The following TMEM45A variants were observed in gnomAD, a reference collection of about 807,000 sequenced individuals.
TMEM45A encodes transmembrane protein 45A, also known as DNA polymerase-transactivated protein 4.
In TMEM45A, 25 loss-of-function variants were observed where a neutral mutation model predicts 32.0. The ratio of observed to expected loss-of-function variants is 0.78; its 90% CI spans 0.57 to 1.09. The LOEUF (loss-of-function observed/expected upper bound fraction) is 1.09. Among genes scored for constraint, TMEM45A ranks in the 50% least tolerant of loss-of-function variants. The probability of loss-of-function intolerance (pLI) is 0.00; values close to 1 mark genes in which losing one functional copy is unlikely to be tolerated. For missense variants in TMEM45A, 302 were observed against 325.0 expected, an observed-to-expected ratio of 0.93 and a Z score of 0.54; for synonymous variants, 122 against 114.8, an observed-to-expected ratio of 1.06 and a Z score of -0.40.
chr3:100,553,883 T>G (rs1576286845), intron 1 of TMEM45A, among the ~76,000 whole-genome samples: 1 of 152,112 alleles, frequency 6.6e-6, no homozygotes. Context: ...TATAAGAGAC[T>G]TTTAGTGTTT....
At chr3:100,497,303 A>G (rs1282305532) in intron 1 of TMEM45A, among the ~76,000 whole-genome samples, 2 of 152,322 alleles carry the variant, frequency 1.3e-5, no homozygotes, top group Non-Finnish European at 1.5e-5. Flanking sequence ...GGGTACTCAT[A>G]TGCATTACAT....
At chr3:100,526,583 G>GA (rs1705549774) in intron 1 of TMEM45A, among the ~76,000 whole-genome samples, 1 of 152,160 alleles carries the variant, frequency 6.6e-6, no homozygotes, top group African/African-American at 2.4e-5. Flanking sequence ...ACACCATGAG[G>GA]CTAAAAGTAA....
intron 2 of TMEM45A, 56 bp from the exon 3 acceptor site, chr3:100,556,704 C>A (rs1279995341): frequency 6.7e-7 from 1 of 1,489,544 alleles, no homozygotes; most frequent in African/African-American, 1.4e-5. Flanking sequence ...CCTCCTGCAT[C>A]TTCTTGAATT....
At chr3:100,524,757 C>T (rs536605793) in intron 1 of TMEM45A, among the ~76,000 whole-genome samples, 1 of 152,310 alleles carries the variant, frequency 6.6e-6, no homozygotes, top group South Asian at 2.1e-4. Context: ...TGATGGGTTT[C>T]TGAGGTGGTC....
chr3:100,534,370 T>C (rs1481531573), intron 1 of TMEM45A, among the ~76,000 whole-genome samples: 1 of 152,132 alleles, frequency 6.6e-6, no homozygotes. Context: ...GGCCCAGTGG[T>C]TCTCATAAGG....
In TMEM45A at chr3:100,557,291, C is replaced by T. The variant is rs758289370; in HGVS notation, c.403+319C>T. 2.7e-4 allele frequency among the ~76,000 whole-genome samples: 41 copies of T among 152,160 alleles called. 1 individual carries two copies. The highest frequency in any genetic ancestry group is 4.4e-4 in the Non-Finnish European group (30 of 68,002). The stretch of plus-strand genomic sequence containing the variant: ...ATCATTTTTTTTCACTTTTAACAAA[C>T]GAAAACTGATCCCAGAATAATAAAG... On this transcript the variant is annotated intron_variant, in intron 3 of 5. Coordinates refer to ENST00000323523, the MANE Select transcript of TMEM45A (RefSeq NM_018004.3).
Position 100,502,414 on chromosome 3 carries a change from A to C in TMEM45A, c.-4+9486A>C, listed in dbSNP as rs1194819567. On this transcript the variant is annotated intron_variant, in intron 1 of 5. Transcript: ENST00000323523. ...AAACCAAAATTGAGAGCTACATCAT[A>C]ATAAGAAATGCATTTAGAAAAGATT... is the stretch of plus-strand genomic sequence containing the variant. Among the ~76,000 whole-genome samples the C allele has an allele frequency of 7.9e-5, 12 of 152,346 alleles. No homozygotes were observed. In the South Asian group the frequency reaches 2.3e-3, roughly 29 times the overall value.
chr3:100,514,465 A>G (rs1189933853), intron 1 of TMEM45A, among the ~76,000 whole-genome samples: 1 of 152,106 alleles, frequency 6.6e-6, no homozygotes, highest in African/African-American at 2.4e-5. Context: ...CACCTTATAC[A>G]AAAATTAATT....
Position 100,571,753 on chromosome 3 carries a change from C to T in TMEM45A, c.734+2786C>T, listed in dbSNP as rs1386599412. ...TCCTAATGCTATCCCTCCCCCCTAT[C>T]GACACCCCACAACAGTCCCCGGTGT... On this transcript the variant is annotated intron_variant, in intron 5 of 5. Transcript: ENST00000323523. The T allele has an allele frequency of 2.6e-5, 4 of 152,122 alleles. No individual in the cohort carries two copies. The East Asian group carries it at 5.8e-4, about 22-fold the overall frequency. 9.4% of individuals were successfully genotyped at this position (152,122 alleles called of 1,614,324 possible).
chr3:100,494,872 C>T (rs143744979), intron 1 of TMEM45A, among the ~76,000 whole-genome samples: 1 of 152,292 alleles, frequency 6.6e-6, no homozygotes, highest in African/African-American at 2.4e-5. Context: ...GAGTTTCCTC[C>T]TCTGTGGTGA....
chr3:100,568,737 AC>A lies in TMEM45A; in HGVS notation c.589-83del, dbSNP rs547933529. The A allele has an allele frequency of 3.2e-4, 404 of 1,275,950 alleles. 1 individual carries two copies. The African/African-American group carries it at 5.1e-3, about 16-fold the overall frequency. The allele number at this position is 1,275,950 out of a possible 1,614,324, so 79.0% of individuals were successfully genotyped here. On this transcript the variant is annotated intron_variant, in intron 4 of 5. Coordinates refer to ENST00000323523, the MANE Select transcript of TMEM45A (RefSeq NM_018004.3). ...ATAATTGGAGTTAACTTAGTTATTT[AC>A]CTCGGAAGCAAGTATTTTGAAATGT...
rs73152142 is a variant in TMEM45A at position 100,501,604 on chromosome 3, C to T, written c.-4+8676C>T. Among the ~76,000 whole-genome samples, 492 of 152,270 alleles carry T rather than the reference C, an allele frequency of 3.2e-3. 2 individuals are homozygous for T. Among genetic ancestry groups the T allele is most frequent in the South Asian group, 0.014 (67 of 4,822 alleles). On this transcript the variant is annotated intron_variant, in intron 1 of 5. Coordinates refer to ENST00000323523, the MANE Select transcript of TMEM45A (RefSeq NM_018004.3). The stretch of plus-strand genomic sequence containing the variant: ...TTCTTGGGATGTTTACAGAGGTTAC[C>T]TTTTTATCCTGTTGCCTTATTCCCA...
intron 1 of TMEM45A, among the ~76,000 whole-genome samples, chr3:100,546,837 G>A (rs1237088993): frequency 6.6e-6 from 1 of 152,208 alleles, no homozygotes; most frequent in African/African-American, 2.4e-5. Flanking sequence ...GGGATTTGGA[G>A]TCAGACATAC....
chr3:100,576,365 G>A (rs1416983516), intron 5 of TMEM45A, among the ~76,000 whole-genome samples: 1 of 152,108 alleles, frequency 6.6e-6, no homozygotes, highest in Non-Finnish European at 1.5e-5. Context: ...GCAGAGAATT[G>A]CTTGAACCCG....
At chr3:100,528,383 G>A (rs1415180198) in intron 1 of TMEM45A, among the ~76,000 whole-genome samples, 1 of 152,176 alleles carries the variant, frequency 6.6e-6, no homozygotes, top group African/African-American at 2.4e-5. Flanking sequence ...TATTCTCTTG[G>A]TTCATTTTCA....
intron 1 of TMEM45A, among the ~76,000 whole-genome samples, chr3:100,517,996 T>C (rs2148944726): frequency 6.6e-6 from 1 of 152,286 alleles, no homozygotes; most frequent in East Asian, 1.9e-4. Flanking sequence ...AGAGGAACTG[T>C]TTGATTCATT....
intron 1 of TMEM45A, among the ~76,000 whole-genome samples, chr3:100,505,237 G>A (rs937318149): frequency 6.6e-6 from 1 of 152,170 alleles, no homozygotes; most frequent in Non-Finnish European, 1.5e-5. Context: ...ATCTCACCAC[G>A]TGCTCTACCA....
At chr3:100,543,025 C>A (rs1705917176) in intron 1 of TMEM45A, among the ~76,000 whole-genome samples, 1 of 152,126 alleles carries the variant, frequency 6.6e-6, no homozygotes, top group South Asian at 2.1e-4. Context: ...CATGTATCCA[C>A]TGAATCATAT....
intron 1 of TMEM45A, among the ~76,000 whole-genome samples, chr3:100,535,487 T>A (rs1705725499): frequency 6.6e-6 from 1 of 152,222 alleles, no homozygotes; most frequent in African/African-American, 2.4e-5. Context: ...ATCACCTCAT[T>A]GGCTTCAGAC....
Sources: gnomAD v4.1 joint callset for allele counts (sites outside exome capture counted in the v4.1 genomes callset) on GRCh38, gnomAD v4.1.1 for gene constraint, MANE v1.5 for transcripts, NCBI Gene and HGNC (gene_info 2026-07-23, HGNC 2026-07-21) for gene names.